The following SEMA3D variants were observed in gnomAD, a reference collection of about 807,000 sequenced individuals.
The protein encoded by SEMA3D is semaphorin 3D, also known as semaphorin-3D.
In SEMA3D, 84 loss-of-function variants were observed where a neutral mutation model predicts 100.1. The observed-to-expected ratio is 0.84, with a 90% CI of 0.70 to 1.01. SEMA3D has a LOEUF of 1.01. Ranked by LOEUF, SEMA3D falls within the 50% of genes least tolerant of loss-of-function variation. SEMA3D has a pLI of 0.00. For missense variants in SEMA3D, 875 were observed against 934.1 expected, an observed-to-expected ratio of 0.94 and a Z score of 0.82; for synonymous variants, 312 against 320.7, an observed-to-expected ratio of 0.97 and a Z score of 0.29.
At chr7:85,005,498 A>G (rs1262053619) in intron 18 of SEMA3D, among the ~76,000 whole-genome samples, 1 of 152,044 alleles carries the variant, frequency 6.6e-6, no homozygotes, top group Non-Finnish European at 1.5e-5. Context: ...TTTTGTATTA[A>G]GTATGTAAAG....
intron 1 of SEMA3D, among the ~76,000 whole-genome samples, chr7:85,184,600 A>C (rs1583998277): frequency 6.6e-6 from 1 of 152,182 alleles, no homozygotes; most frequent in Non-Finnish European, 1.5e-5. Flanking sequence ...CTGAAACACA[A>C]TAGGTGTTTG....
intron 1 of SEMA3D, among the ~76,000 whole-genome samples, chr7:85,176,907 GTATAA>G (rs1015470298): frequency 2.7e-4 from 41 of 152,114 alleles, no homozygotes; most frequent in African/African-American, 9.4e-4. Flanking sequence ...GGTCCCAGAA[GTATAA>G]TATGTTTTTA....
At chr7:85,198,492 T>A in the SEMA3D span, among the ~76,000 whole-genome samples, 1 of 151,976 alleles carries the variant, frequency 6.6e-6, no homozygotes. Flanking sequence ...TTGGTGAAAA[T>A]TTTTAATAAC....
chr7:85,000,134 T>C (rs1268755379), intron 18 of SEMA3D, among the ~76,000 whole-genome samples: 1 of 152,132 alleles, frequency 6.6e-6, no homozygotes, highest in African/African-American at 2.4e-5. Flanking sequence ...ATTTTTTTTC[T>C]CTCAATATGC....
intron 9 of SEMA3D, among the ~76,000 whole-genome samples, chr7:85,055,022 T>C (rs558623656): frequency 6.6e-6 from 1 of 152,270 alleles, no homozygotes; most frequent in Admixed American, 6.6e-5. Flanking sequence ...GATTAAAAAC[T>C]AATTGCAGTA....
the SEMA3D span, among the ~76,000 whole-genome samples, chr7:85,197,030 T>G: frequency 8.7e-6 from 1 of 114,942 alleles, no homozygotes; most frequent in Non-Finnish European, 1.7e-5. Flanking sequence ...AATTTAATCC[T>G]GTATATTGTG....
At chr7:85,162,902 A>C (rs1790785854) in intron 1 of SEMA3D, among the ~76,000 whole-genome samples, 1 of 152,170 alleles carries the variant, frequency 6.6e-6, no homozygotes, top group African/African-American at 2.4e-5. Context: ...AATAACATTT[A>C]AAATGTTCAG....
intron 4 of SEMA3D, among the ~76,000 whole-genome samples, chr7:85,092,686 ATAT>A (rs1448106100): frequency 1.9e-4 from 29 of 152,154 alleles, no homozygotes; most frequent in African/African-American, 6.5e-4. Flanking sequence ...ATAGAATAAC[ATAT>A]TATGTAAGTC....
intron 8 of SEMA3D, among the ~76,000 whole-genome samples, chr7:85,059,661 A>G (rs921495080): frequency 6.6e-6 from 1 of 152,204 alleles, no homozygotes; most frequent in African/African-American, 2.4e-5. Context: ...AAAGCAGAAC[A>G]GTTAAAAGGA....
chr7:85,041,979 T>TA (rs1336578716), intron 10 of SEMA3D, 192 bp downstream of exon 10: 2 of 556,454 alleles, frequency 3.6e-6, no homozygotes, highest in Non-Finnish European at 6.4e-6. Context: ...AGAGAAGAGT[T>TA]ACTGCATTAT....
the SEMA3D span, among the ~76,000 whole-genome samples, chr7:85,196,184 C>T: frequency 6.6e-6 from 1 of 152,054 alleles, no homozygotes; most frequent in Admixed American, 6.6e-5. Context: ...CATGCATTAA[C>T]GTTTTGAATG....
At chr7:85,171,930 A>G (rs1432536072) in intron 1 of SEMA3D, among the ~76,000 whole-genome samples, 4 of 151,614 alleles carry the variant, frequency 2.6e-5, no homozygotes, top group African/African-American at 9.7e-5. Context: ...ATAGAAAATG[A>G]CACATGCTAA....
At chr7:85,192,228 G>C in the SEMA3D span, among the ~76,000 whole-genome samples, 2 of 151,940 alleles carry the variant, frequency 1.3e-5, no homozygotes, top group African/African-American at 4.8e-5. Flanking sequence ...GTTTAGTGGG[G>C]AACAGTTTCT....
chr7:85,083,802 G>A (rs1279732084), intron 4 of SEMA3D, among the ~76,000 whole-genome samples: 1 of 146,058 alleles, frequency 6.8e-6, no homozygotes, highest in African/African-American at 2.6e-5. Flanking sequence ...AGCCGAGATC[G>A]CGCCACTGCA....
At chr7:85,184,360 A>G (rs925733582) in intron 1 of SEMA3D, among the ~76,000 whole-genome samples, 1 of 152,172 alleles carries the variant, frequency 6.6e-6, no homozygotes, top group Non-Finnish European at 1.5e-5. Context: ...CTCATTTATT[A>G]TCATCTCTAA....
At chr7:85,168,873 GAA>G (rs983636407) in intron 1 of SEMA3D, among the ~76,000 whole-genome samples, 1 of 133,526 alleles carries the variant, frequency 7.5e-6, no homozygotes, top group African/African-American at 2.9e-5. Context: ...AAGAAAGAAA[GAA>G]AGAAAAGAAA....
At position 85,006,936 on chromosome 7, in the gene SEMA3D, TA is replaced by T. The variant is rs1238808498; in HGVS notation, c.1773del (p.Ser592ValfsTer9). 6.2e-7 allele frequency: 1 copy of T among 1,609,004 alleles called. No individual in the cohort carries two copies. The part of the protein sequence containing the change: ...ITQCWDIEDS[I>X]SHETADEKVI... ...ACCTTTTCATCAGCAGTTTCATGAC[TA>T]ATGCCTGGAAAGCAAACATGGAATA... On this transcript the variant is annotated frameshift_variant, in exon 18 of 19. Transcript: ENST00000284136. LOFTEE classifies it high-confidence loss of function.
intron 1 of SEMA3D, among the ~76,000 whole-genome samples, chr7:85,157,949 T>C (rs1790644539): frequency 6.6e-6 from 1 of 152,206 alleles, no homozygotes; most frequent in African/African-American, 2.4e-5. Context: ...TGAACATAAA[T>C]TGTGAAGATT....
chr7:85,066,747 C>T, intron 7 of SEMA3D, among the ~76,000 whole-genome samples: 1 of 151,996 alleles, frequency 6.6e-6, no homozygotes, highest in East Asian at 1.9e-4. Context: ...AGAAACATAT[C>T]TTTAAAATTC....
Sources: allele counts gnomAD v4.1 joint callset (sites outside exome capture counted in the v4.1 genomes callset), GRCh38; gene constraint gnomAD v4.1.1; transcripts MANE v1.5; gene names NCBI Gene and HGNC (gene_info 2026-07-23, HGNC 2026-07-21).